Variants in TCF4 observed in about 807,000 individuals in gnomAD.
The protein encoded by TCF4 is transcription factor 4.
In TCF4, 3 loss-of-function variants were observed where a neutral mutation model predicts 82.1. The observed-to-expected ratio is 0.04, with a 90% confidence interval of 0.02 to 0.09. The LOEUF (loss-of-function observed/expected upper bound fraction) is 0.09. TCF4 is among the 10% of genes least tolerant of loss of function. The pLI, the probability that TCF4 is intolerant of heterozygous loss-of-function variation, is 1.00. For synonymous variants in TCF4, 276 were observed against 309.6 expected (o/e 0.89, Z 1.14); for missense variants, 518 against 852.7 (o/e 0.61, Z 4.89).
chr18:55,585,942 T>C, intron 2 of TCF4: 2 of 1,268,688 alleles, frequency 1.6e-6, no homozygotes, highest in Non-Finnish European at 2.0e-6. Flanking sequence ...GGTTTCCCTC[T>C]TCTTCGACGT....
chr18:55,481,033 G>A (rs1329276298), intron 3 of TCF4, among the ~76,000 whole-genome samples: 1 of 149,134 alleles, frequency 6.7e-6, no homozygotes, highest in Non-Finnish European at 1.5e-5. Context: ...GAACATGGAA[G>A]GCGGAGGCTG....
At chr18:55,275,275 G>GA (rs533160424) in intron 10 of TCF4, among the ~76,000 whole-genome samples, 9,651 of 71,348 alleles carry the variant, frequency 0.14, 697 homozygotes, top group African/African-American at 0.2. Flanking sequence ...ACTACAGATA[G>GA]AAAAAAAAAA....
intron 3 of TCF4, among the ~76,000 whole-genome samples, chr18:55,559,861 C>A (rs1169232253): frequency 6.6e-6 from 1 of 151,970 alleles, no homozygotes; most frequent in Non-Finnish European, 1.5e-5. Flanking sequence ...TAACATTCAC[C>A]CAAAAATGCT....
At chr18:55,493,431 C>T (rs1217520824) in intron 3 of TCF4, among the ~76,000 whole-genome samples, 1 of 152,092 alleles carries the variant, frequency 6.6e-6, no homozygotes, top group Non-Finnish European at 1.5e-5. Flanking sequence ...TTTCTATTAA[C>T]ATGTCTTGAA....
At chr18:55,324,268 C>T (rs970827595) in intron 8 of TCF4, among the ~76,000 whole-genome samples, 5 of 152,284 alleles carry the variant, frequency 3.3e-5, no homozygotes, top group African/African-American at 1.2e-4. Context: ...AGGTGATCTA[C>T]GAATTATAGC....
intron 3 of TCF4, among the ~76,000 whole-genome samples, chr18:55,468,657 C>G (rs2096086498): frequency 6.6e-6 from 1 of 152,156 alleles, no homozygotes; most frequent in Non-Finnish European, 1.5e-5. Context: ...ACACAAATAA[C>G]ATCTTGTGTG....
chr18:55,566,430 CATAA>C (rs1017131214), intron 3 of TCF4, among the ~76,000 whole-genome samples: 3 of 151,740 alleles, frequency 2.0e-5, no homozygotes, highest in South Asian at 2.1e-4. Context: ...AATTTATACA[CATAA>C]ATAAATACAT....
chr18:55,589,727 C>G (rs1217067151), upstream of TCF4: 15 of 1,024,792 alleles, frequency 1.5e-5, no homozygotes, highest in Non-Finnish European at 1.6e-5. Flanking sequence ...TGGACTCCCC[C>G]GTGGAGTCAC....
At chr18:55,598,130 A>G (rs1430384514) in intron 2 of TCF4, among the ~76,000 whole-genome samples, 1 of 152,228 alleles carries the variant, frequency 6.6e-6, no homozygotes, top group Admixed American at 6.5e-5. Context: ...CTATAATGCA[A>G]GGAGTCATTG....
intron 8 of TCF4, among the ~76,000 whole-genome samples, chr18:55,314,528 C>T (rs576338604): frequency 1.2e-3 from 180 of 149,184 alleles, no homozygotes; most frequent in African/African-American, 4.2e-3. Context: ...TTGTTTTATT[C>T]GTTAGAAAAG....
intron 2 of TCF4, among the ~76,000 whole-genome samples, chr18:55,603,183 G>A (rs1056104955): frequency 6.6e-6 from 1 of 152,112 alleles, no homozygotes; most frequent in African/African-American, 2.4e-5. Context: ...ATTACATACA[G>A]TATGTTTAAC....
intron 14 of TCF4, among the ~76,000 whole-genome samples, chr18:55,255,139 T>C (rs1361822644): frequency 3.3e-5 from 5 of 152,146 alleles, no homozygotes; most frequent in Non-Finnish European, 5.9e-5. Context: ...GTATATTTCT[T>C]TGGTCTTCCC....
intron 6 of TCF4, chr18:55,401,399 C>A: frequency 9.2e-7 from 1 of 1,086,402 alleles, no homozygotes; most frequent in South Asian, 2.7e-5. Context: ...GGAATCTCCA[C>A]ACTCCACGGC....
At chr18:55,322,485 G>A (rs769573616) in intron 8 of TCF4, 2 of 1,004,104 alleles carry the variant, frequency 2.0e-6, no homozygotes, top group Non-Finnish European at 2.4e-6. Flanking sequence ...AAGGAGAGAG[G>A]GGGCAGTGTT....
chr18:55,254,307 A>G (rs535242826), intron 15 of TCF4, among the ~76,000 whole-genome samples, 190 bp downstream of exon 15: 13 of 152,300 alleles, frequency 8.5e-5, no homozygotes, highest in African/African-American at 3.1e-4. Context: ...AACCTAGACT[A>G]TGGTGATGGT....
rs2097626699 is a variant in TCF4 at position 55,585,137 on chromosome 18, T to C, written c.145+143A>G. 1.7e-5 allele frequency: 13 copies of C among 755,446 alleles called. 1 individual carries two copies. In the Admixed American group the frequency reaches 2.6e-4, roughly 15 times the overall value. 46.8% of individuals were successfully genotyped at this position (755,446 alleles called of 1,614,324 possible). ...TAACATTTTGTGTAAGTTATACCAC[T>C]GATGGGTAATGCAATAACCGTATGA... On this transcript the variant is annotated intron_variant, in intron 3 of 19. Transcript: ENST00000354452.
At chr18:55,343,176 T>C (rs1469723839) in intron 8 of TCF4, among the ~76,000 whole-genome samples, 1 of 152,160 alleles carries the variant, frequency 6.6e-6, no homozygotes, top group African/African-American at 2.4e-5. Flanking sequence ...GTCATTTTTA[T>C]GAGAAAATAT....
chr18:55,249,785 G>A (rs1372768394), intron 15 of TCF4, among the ~76,000 whole-genome samples: 2 of 152,200 alleles, frequency 1.3e-5, no homozygotes, highest in Non-Finnish European at 1.5e-5. Flanking sequence ...TGATCACGTA[G>A]TTGCTGACTC....
At chr18:55,620,145 T>C (rs1165968347) in intron 2 of TCF4, among the ~76,000 whole-genome samples, 3 of 152,174 alleles carry the variant, frequency 2.0e-5, no homozygotes, top group Non-Finnish European at 4.4e-5. Flanking sequence ...CCCTTCACCT[T>C]CCACCATGAT....
Sources: gnomAD v4.1 joint callset for allele counts (sites outside exome capture counted in the v4.1 genomes callset) on GRCh38, gnomAD v4.1.1 for gene constraint, MANE v1.5 for transcripts, NCBI Gene and HGNC (gene_info 2026-07-23, HGNC 2026-07-21) for gene names.